Variants in CDK13 observed in about 807,000 individuals in gnomAD.
CDK13 encodes cyclin-dependent kinase 13.
Under a neutral mutation model 137.6 loss-of-function variants are expected in CDK13, and 40 were observed. That is an observed-to-expected ratio of 0.29 (90% CI 0.23 to 0.38). CDK13 has a LOEUF of 0.38. CDK13 is among the 10% of genes least tolerant of loss of function. The pLI is 1.00. For missense variants in CDK13, 1,704 were observed against 1,951.8 expected (o/e 0.87, Z 2.39); for synonymous variants, 869 against 760.1 (o/e 1.14, Z -2.36).
At chr7:40,011,834 G>T (rs1310837777) in intron 5 of CDK13, among the ~76,000 whole-genome samples, 2 of 152,162 alleles carry the variant, frequency 1.3e-5, no homozygotes, top group Non-Finnish European at 2.9e-5. Flanking sequence ...ACTATCATCA[G>T]CATGAGAAGA....
Position 39,951,409 on chromosome 7 carries a change from C to G in CDK13, c.768C>G (p.Gly256=), listed in dbSNP as rs1006924245. 2.0e-6 allele frequency: 3 copies of G among 1,525,270 alleles called. No homozygotes were observed. The East Asian group carries it at 7.9e-5, about 40-fold the overall frequency. The allele number at this position is 1,525,270 out of a possible 1,614,324, so 94.5% of individuals were successfully genotyped here. A position where few individuals can be genotyped will look rare whatever the true frequency, so the allele number is the denominator to read the frequency against. ...AKSGSSSSSG[G]RRKSASATSS... The stretch of plus-strand genomic sequence containing the variant: ...GCGGCAGCAGCAGCAGCAGCGGCGG[C>G]CGCCGGAAAAGCGCTTCGGCCACAT... Residue 256 remains glycine, a synonymous_variant, in exon 1 of 14, where the codon GGC becomes GGG. Transcript: ENST00000181839.
At chr7:40,052,752 T>C (rs1785921669) in intron 7 of CDK13, among the ~76,000 whole-genome samples, 1 of 152,150 alleles carries the variant, frequency 6.6e-6, no homozygotes, top group Non-Finnish European at 1.5e-5. Flanking sequence ...GAGAGGAAGA[T>C]AGTATTACCA....
chr7:40,078,286 A>T, intron 10 of CDK13, 165 bp downstream of exon 10: 1 of 429,690 alleles, frequency 2.3e-6, no homozygotes. Context: ...CCATTTTACC[A>T]TTATTATGGA....
intron 1 of CDK13, chr7:39,985,745 G>C (rs1200742589): frequency 6.6e-6 from 1 of 152,190 alleles, no homozygotes; most frequent in Non-Finnish European, 1.5e-5. Context: ...GATCTTATAA[G>C]AGACTTTAAT....
chr7:40,074,857 A>G (rs1786508955), intron 9 of CDK13, among the ~76,000 whole-genome samples: 2 of 152,034 alleles, frequency 1.3e-5, no homozygotes, highest in Admixed American at 6.6e-5. Context: ...AAAAACAAAA[A>G]GCCCGTAAAG....
At chr7:40,036,187 C>CACACACAT (rs1289121515) in intron 5 of CDK13, among the ~76,000 whole-genome samples, 1 of 151,800 alleles carries the variant, frequency 6.6e-6, no homozygotes, top group Non-Finnish European at 1.5e-5. Flanking sequence ...CACACACACA[C>CACACACAT]ACACACACAC....
At chr7:40,002,081 T>G in intron 5 of CDK13, 50 bp downstream of exon 5, 1 of 1,397,916 alleles carries the variant, frequency 7.2e-7, no homozygotes, top group Non-Finnish European at 9.7e-7. Context: ...TGATTGATGT[T>G]GCTAACTTGG....
At chr7:39,997,392 G>A (rs941319586) in intron 2 of CDK13, 102 bp from the exon 3 acceptor site, 1 of 885,158 alleles carries the variant, frequency 1.1e-6, no homozygotes. Context: ...GTGAAATACT[G>A]TTGAATATTC....
intron 1 of CDK13, among the ~76,000 whole-genome samples, chr7:39,967,528 G>A (rs1008554149): frequency 1.2e-4 from 19 of 152,104 alleles, no homozygotes; most frequent in Non-Finnish European, 2.2e-4. Context: ...CCATATCTGA[G>A]CTATTGTGAA....
At chr7:40,068,715 A>G (rs1434993230) in intron 9 of CDK13, among the ~76,000 whole-genome samples, 2 of 147,992 alleles carry the variant, frequency 1.4e-5, no homozygotes, top group African/African-American at 5.1e-5. Flanking sequence ...CAGAAAAAAA[A>G]AAAAAAAAAA....
At chr7:40,077,137 T>G (rs1038868963) in intron 9 of CDK13, among the ~76,000 whole-genome samples, 1 of 152,208 alleles carries the variant, frequency 6.6e-6, no homozygotes, top group African/African-American at 2.4e-5. Flanking sequence ...TTAAAATTTC[T>G]TTATGACTTA....
At chr7:39,953,418 A>G (rs1399004009) in intron 1 of CDK13, among the ~76,000 whole-genome samples, 4 of 152,112 alleles carry the variant, frequency 2.6e-5, no homozygotes, top group African/African-American at 9.7e-5. Context: ...TGAACAATTT[A>G]AAGTGCTTGA....
chr7:40,079,308 A>G (rs2150536770), intron 11 of CDK13, among the ~76,000 whole-genome samples: 1 of 152,200 alleles, frequency 6.6e-6, no homozygotes, highest in Non-Finnish European at 1.5e-5. Flanking sequence ...AATCCCAGCT[A>G]CTTGGGAGGC....
At chr7:40,046,145 C>T (rs971048398) in intron 6 of CDK13, 120 bp downstream of exon 6, 2 of 646,106 alleles carry the variant, frequency 3.1e-6, no homozygotes, top group Admixed American at 5.5e-5. Context: ...TTGAAAGTTA[C>T]CTATTAGGTA....
intron 5 of CDK13, among the ~76,000 whole-genome samples, chr7:40,016,745 G>GA (rs1457095609): frequency 1.3e-5 from 2 of 151,690 alleles, no homozygotes; most frequent in East Asian, 3.9e-4. Flanking sequence ...GTAAATGTAA[G>GA]AAAAAAGAAA....
In CDK13 at chr7:39,976,172, A is replaced by C. The variant is rs1328217156; in HGVS notation, c.1212-11427A>C. ...AGCTGGGTGTAGTGGTGGGTGCCGT[A>C]ATCCCAGCTACTTGGGAGGCTAAGG... On this transcript the variant is annotated intron_variant, in intron 1 of 13. Coordinates refer to ENST00000181839, the MANE Select transcript of CDK13 (RefSeq NM_003718.5). Among the ~76,000 whole-genome samples, 3 of 151,836 alleles carry C rather than the reference A, an allele frequency of 2.0e-5. No individual in the cohort carries two copies. In the East Asian group the frequency reaches 5.8e-4, roughly 29 times the overall value.
chr7:40,075,432 CAT>C (rs1373541619), intron 9 of CDK13, among the ~76,000 whole-genome samples: 2 of 151,462 alleles, frequency 1.3e-5, no homozygotes, highest in Non-Finnish European at 2.9e-5. Flanking sequence ...TTCAACATCA[CAT>C]ATGATAAAAT....
chr7:40,002,916 A>AGC (rs1562722674), intron 5 of CDK13, among the ~76,000 whole-genome samples: 1 of 150,766 alleles, frequency 6.6e-6, no homozygotes, highest in African/African-American at 2.5e-5. Context: ...AAAAAAAAAA[A>AGC]AACAACCAGA....
intron 1 of CDK13, among the ~76,000 whole-genome samples, chr7:39,953,664 C>T (rs1177832441): frequency 1.3e-5 from 2 of 152,150 alleles, no homozygotes; most frequent in Non-Finnish European, 2.9e-5. Flanking sequence ...GTTACTTGCC[C>T]TCATAGAGCT....
Sources: allele counts gnomAD v4.1 joint callset (sites outside exome capture counted in the v4.1 genomes callset), GRCh38; gene constraint gnomAD v4.1.1; transcripts MANE v1.5; gene names NCBI Gene and HGNC (gene_info 2026-07-23, HGNC 2026-07-21).